NXPE1: variants seen among roughly 807,000 people sequenced by gnomAD.
NXPE1 encodes neurexophilin and PC-esterase domain family member 1.
Under a neutral mutation model 33.3 loss-of-function variants are expected in NXPE1, and 31 were observed. The ratio of observed to expected loss-of-function variants is 0.93; its 90% CI spans 0.70 to 1.26. The LOEUF is 1.26. NXPE1 is among the 50% of genes most tolerant of loss of function. NXPE1 has a pLI of 0.00. For synonymous variants in NXPE1, 229 were observed against 231.4 expected (o/e 0.99, Z 0.09); for missense variants, 661 against 655.6 (o/e 1.01, Z -0.09).
chr11:114,530,670 C>T (rs1205187441), exon 6 of NXPE1: 27 of 1,614,174 alleles, frequency 1.7e-5, no homozygotes, highest in Non-Finnish European at 2.2e-5. Context: ...GTCTCCCCTG[C>T]AGTATGTATC....
chr11:114,535,358 A>G (rs1384960463), intron 5 of NXPE1, among the ~76,000 whole-genome samples: 1 of 152,220 alleles, frequency 6.6e-6, no homozygotes, highest in Admixed American at 6.5e-5. Flanking sequence ...CAAGGCTAGG[A>G]AGAAACTACA....
intron 5 of NXPE1, among the ~76,000 whole-genome samples, chr11:114,541,165 G>A (rs1046301236): frequency 2.0e-5 from 3 of 152,024 alleles, no homozygotes; most frequent in African/African-American, 4.8e-5. Flanking sequence ...CAAAAACATC[G>A]ACACTATTCT....
At chr11:114,529,896 G>T (rs1050488440) in intron 6 of NXPE1, 20 of 360,978 alleles carry the variant, frequency 5.5e-5, no homozygotes, top group Non-Finnish European at 8.9e-5. Flanking sequence ...AAGGAGCATG[G>T]ATGTTATCAT....
chr11:114,537,950 C>A (rs1010640673), intron 5 of NXPE1, among the ~76,000 whole-genome samples: 4 of 151,930 alleles, frequency 2.6e-5, no homozygotes, highest in Non-Finnish European at 5.9e-5. Flanking sequence ...TCATATGGAA[C>A]CAAAAAGCCC....
chr11:114,532,699 G>T (rs1470643140), intron 5 of NXPE1, among the ~76,000 whole-genome samples: 3 of 152,158 alleles, frequency 2.0e-5, no homozygotes, highest in Non-Finnish European at 4.4e-5. Context: ...TAAATTCTCT[G>T]TCTCTTTCTC....
intron 5 of NXPE1, among the ~76,000 whole-genome samples, chr11:114,531,513 A>G (rs1253666606): frequency 6.6e-6 from 1 of 152,130 alleles, no homozygotes. Context: ...GTCCTTTTTA[A>G]AGCAAAACTC....
chr11:114,546,410 A>G (rs1333978481), intron 5 of NXPE1, among the ~76,000 whole-genome samples: 2 of 152,174 alleles, frequency 1.3e-5, no homozygotes, highest in African/African-American at 2.4e-5. Flanking sequence ...TATTTTACAT[A>G]TAATTATAGA....
At position 114,538,876 on chromosome 11, in the gene NXPE1, T is replaced by C. The variant is rs551426912; in HGVS notation, c.100-7968A>G. On this transcript the variant is annotated intron_variant, in intron 5 of 8. Transcript: ENST00000534921. ...TCAACCATTGTGGAAGTCAGTGTGG[T>C]GATTCCTCAGGGATCTAGAACTAGA... Among the ~76,000 whole-genome samples the C allele has an allele frequency of 1.4e-3, 212 of 152,232 alleles. 1 individual carries two copies. The highest frequency in any genetic ancestry group is 2.1e-3 in the Non-Finnish European group (142 of 68,010).
intron 5 of NXPE1, among the ~76,000 whole-genome samples, chr11:114,532,639 A>T (rs1947625421): frequency 6.6e-6 from 1 of 152,190 alleles, no homozygotes; most frequent in Admixed American, 6.5e-5. Flanking sequence ...AAACTAGGTA[A>T]GTATGATACA....
intron 5 of NXPE1, among the ~76,000 whole-genome samples, chr11:114,536,520 T>C (rs1442874532): frequency 6.6e-5 from 10 of 151,974 alleles, no homozygotes; most frequent in Admixed American, 2.6e-4. Flanking sequence ...ATCAACAAAA[T>C]TGATAGACCG....
chr11:114,549,953 T>G (rs76846827), intron 5 of NXPE1, among the ~76,000 whole-genome samples: 2 of 151,962 alleles, frequency 1.3e-5, no homozygotes, highest in African/African-American at 4.8e-5. Context: ...AAAATGGAAG[T>G]GACAATCCAA....
exon 9 of NXPE1, chr11:114,521,724 A>G (rs1460088883): frequency 7.0e-6 from 3 of 429,394 alleles, no homozygotes; most frequent in African/African-American, 6.0e-5. Flanking sequence ...ATGGCTTTTA[A>G]AAAACTTTTT....
rs1948707924 is a variant in NXPE1 at position 114,558,412 on chromosome 11, AC to A, written c.-211+1385del. Among the ~76,000 whole-genome samples the A allele has an allele frequency of 3.3e-5, 5 of 152,222 alleles. 1 individual carries two copies. The highest frequency in any genetic ancestry group is 1.2e-4 in the African/African-American group (5 of 41,552). On this transcript the variant is annotated intron_variant, in intron 1 of 8. Coordinates refer to ENST00000534921, the Ensembl canonical transcript of NXPE1. ...TGCCTTGTTTTCATAGTTAGTTTCA[AC>A]ATTTTACTATGTGTAATTAAATATA... is the stretch of plus-strand genomic sequence containing the variant.
chr11:114,558,946 T>C (rs1948717499), intron 1 of NXPE1, among the ~76,000 whole-genome samples: 1 of 152,194 alleles, frequency 6.6e-6, no homozygotes, highest in South Asian at 2.1e-4. Flanking sequence ...TATGTATTAC[T>C]ATGAAATGGT....
At chr11:114,553,970 A>C in intron 1 of NXPE1, 1 of 985,462 alleles carries the variant, frequency 1.0e-6, no homozygotes, top group Non-Finnish European at 1.2e-6. Context: ...ACCCCTGCTC[A>C]TAGGAATCTC....
At chr11:114,552,728 T>A (rs1006851011) in intron 2 of NXPE1, 124 bp downstream of exon 2, 2 of 193,406 alleles carry the variant, frequency 1.0e-5, no homozygotes, top group African/African-American at 4.8e-5. Context: ...AAGTAGTGCG[T>A]ATGGATATGT....
exon 9 of NXPE1, chr11:114,521,833 C>T: frequency 1.5e-6 from 1 of 673,336 alleles, no homozygotes; most frequent in Non-Finnish European, 2.5e-6. Flanking sequence ...ATTGTCCTTA[C>T]ATAGCCTTCC....
chr11:114,528,079 C>G (rs1423626226), intron 6 of NXPE1, among the ~76,000 whole-genome samples, 178 bp from the exon 7 acceptor site: 1 of 152,132 alleles, frequency 6.6e-6, no homozygotes, highest in Non-Finnish European at 1.5e-5. Context: ...GGAAGACTTT[C>G]TACCCTGCTG....
chr11:114,541,523 C>G (rs1289008258), intron 5 of NXPE1, among the ~76,000 whole-genome samples: 1 of 152,208 alleles, frequency 6.6e-6, no homozygotes, highest in Non-Finnish European at 1.5e-5. Flanking sequence ...ACACGTGACA[C>G]AGCCGTCAGG....
Sources: allele counts gnomAD v4.1 joint callset (sites outside exome capture counted in the v4.1 genomes callset), GRCh38; gene constraint gnomAD v4.1.1; transcripts MANE v1.5; gene names NCBI Gene and HGNC (gene_info 2026-07-23, HGNC 2026-07-21).